The following ZDHHC9 variants were observed in gnomAD, a reference collection of about 807,000 sequenced individuals.
ZDHHC9 encodes palmitoyltransferase ZDHHC9.
Under a neutral mutation model 26.6 loss-of-function variants are expected in ZDHHC9, and 3 were observed. The observed-to-expected ratio is 0.11, with a 90% CI of 0.05 to 0.29. ZDHHC9 has a LOEUF of 0.29. Among genes scored for constraint, ZDHHC9 ranks in the 10% least tolerant of loss-of-function variants. The probability of loss-of-function intolerance (pLI) is 1.00; values close to 1 mark genes in which losing one functional copy is unlikely to be tolerated. For missense variants in ZDHHC9, 146 were observed against 296.4 expected, an observed-to-expected ratio of 0.49 and a Z score of 3.73; for synonymous variants, 111 against 109.4, an observed-to-expected ratio of 1.01 and a Z score of -0.09.
At chrX:129,807,969 C>T (rs1477590672) in intron 10 of ZDHHC9, among the ~76,000 whole-genome samples, 1 of 112,298 alleles carries the variant, frequency 8.9e-6, no homozygotes, top group African/African-American at 3.2e-5. Context: ...ATTTCACTTA[C>T]AATAACATGA....
At chrX:129,834,973 G>A (rs931271119) in intron 3 of ZDHHC9, among the ~76,000 whole-genome samples, 1 of 112,192 alleles carries the variant, frequency 8.9e-6, no homozygotes, top group Non-Finnish European at 1.9e-5. Context: ...AGCATGTTGG[G>A]GAACATCCCT....
chrX:129,827,279 G>T (rs1366113394), intron 4 of ZDHHC9, among the ~76,000 whole-genome samples: 2 of 85,212 alleles, frequency 2.3e-5, no homozygotes, highest in African/African-American at 8.7e-5. Flanking sequence ...AGGGAGGGAG[G>T]GAGGGAGGGA....
chrX:129,829,192 C>T (rs758115828), intron 3 of ZDHHC9, 51 bp from the exon 4 acceptor site: 2 of 1,171,571 alleles, frequency 1.7e-6, no homozygotes, highest in Non-Finnish European at 2.3e-6. Context: ...CTATATTGAT[C>T]TCCAATTGTT....
intron 5 of ZDHHC9, 88 bp from the exon 6 acceptor site, chrX:129,814,883 C>A: frequency 1.9e-6 from 2 of 1,025,820 alleles, no homozygotes; most frequent in South Asian, 4.0e-5. Flanking sequence ...TCAAAGACCT[C>A]CAGGATCATT....
At position 129,823,792 on chromosome X, in the gene ZDHHC9, C is replaced by A; in HGVS notation, c.374G>T (p.Arg125Leu). 1 of 1,211,445 alleles carries A rather than the reference C, an allele frequency of 8.3e-7. No individual in the cohort carries two copies. The highest frequency in any genetic ancestry group is 1.1e-6 in the Non-Finnish European group (1 of 895,270). ...AVPQGQRPPPRIKNFQINNQI... is the reference protein window; with the variant it reads ...AVPQGQRPPPLIKNFQINNQI... ...GTTGTTTATCTGGAAATTCTTGATA[C>A]GAGGCGGTGGTCGCTGGCCCTGGGG... Residue 125 changes from arginine to leucine, a missense_variant, in exon 5 of 11, where the codon CGT (arginine) becomes CTT (leucine). Arg to Leu is a moderately radical substitution (Grantham distance 102). Coordinates refer to ENST00000357166, the MANE Select transcript of ZDHHC9 (RefSeq NM_016032.4).
chrX:129,827,188 TGAAAAATAAAAAAGAAGAAAGGAAG>T (rs1234687561), intron 4 of ZDHHC9, among the ~76,000 whole-genome samples: 6 of 96,662 alleles, frequency 6.2e-5, no homozygotes, highest in Admixed American at 2.4e-4. Flanking sequence ...AGTGAAACTG[TGAAAAATAAAAAAGAAGAAAGGAAG>T]GAAAAATAAA....
intron 3 of ZDHHC9, among the ~76,000 whole-genome samples, chrX:129,838,994 C>T (rs1928320514): frequency 8.9e-6 from 1 of 112,584 alleles, no homozygotes; most frequent in Admixed American, 9.4e-5. Flanking sequence ...ACACTTGTTC[C>T]TAAGCACCTG....
intron 3 of ZDHHC9, among the ~76,000 whole-genome samples, chrX:129,830,778 G>A (rs767218746): frequency 9.0e-6 from 1 of 111,707 alleles, no homozygotes; most frequent in South Asian, 3.7e-4. Flanking sequence ...ATTCTCTGCA[G>A]TTTCGGAACA....
At chrX:129,839,116 T>C (rs1258636978) in intron 3 of ZDHHC9, among the ~76,000 whole-genome samples, 2 of 111,992 alleles carry the variant, frequency 1.8e-5, no homozygotes, top group Admixed American at 1.9e-4. Flanking sequence ...TCTCTACTCC[T>C]AGACAATGTA....
At chrX:129,820,686 CA>C in intron 5 of ZDHHC9, among the ~76,000 whole-genome samples, 1 of 111,932 alleles carries the variant, frequency 8.9e-6, no homozygotes, top group South Asian at 3.7e-4. Context: ...CCTGGAATAT[CA>C]GTGCTTTTTA....
intron 5 of ZDHHC9, among the ~76,000 whole-genome samples, chrX:129,818,372 C>T (rs1466173485): frequency 2.7e-5 from 3 of 111,897 alleles, no homozygotes; most frequent in Admixed American, 1.9e-4. Context: ...TAGGTATACA[C>T]CCAGGAGTGG....
At chrX:129,835,537 C>T (rs1486171488) in intron 3 of ZDHHC9, among the ~76,000 whole-genome samples, 3 of 110,959 alleles carry the variant, frequency 2.7e-5, no homozygotes, top group Admixed American at 1.9e-4. Flanking sequence ...AATCCCAGCA[C>T]TTTGGGAGGC....
chrX:129,831,699 G>A (rs918602624), intron 3 of ZDHHC9, among the ~76,000 whole-genome samples: 2 of 112,096 alleles, frequency 1.8e-5, no homozygotes, highest in African/African-American at 6.5e-5. Context: ...CCAGAGATGA[G>A]GCTATTGGCA....
chrX:129,842,176 G>T, intron 2 of ZDHHC9, 96 bp from the exon 3 acceptor site: 4 of 435,239 alleles, frequency 9.2e-6, no homozygotes, highest in African/African-American at 2.4e-5. Flanking sequence ...AAAACTGACT[G>T]AAGGGGTGGG....
intron 3 of ZDHHC9, among the ~76,000 whole-genome samples, chrX:129,832,150 GTATATATATCTTTA>G (rs1307388680): frequency 9.4e-6 from 1 of 106,409 alleles, no homozygotes; most frequent in African/African-American, 3.5e-5. Flanking sequence ...ATATATCTTT[GTATATATATCTTTA>G]TATATATATA....
chrX:129,812,026 T>C (rs1013355686), intron 8 of ZDHHC9, among the ~76,000 whole-genome samples: 3 of 111,421 alleles, frequency 2.7e-5, no homozygotes, highest in Non-Finnish European at 3.8e-5. Flanking sequence ...AACTTACTTT[T>C]TTCTTTTTGC....
intron 3 of ZDHHC9, 47 bp from the exon 4 acceptor site, chrX:129,829,188 T>G: frequency 8.5e-7 from 1 of 1,176,237 alleles, no homozygotes. Flanking sequence ...TACCCTATAT[T>G]GATCTCCAAT....
chrX:129,811,380 C>A (rs1927636233), intron 9 of ZDHHC9, 26 bp downstream of exon 9: 16 of 1,169,876 alleles, frequency 1.4e-5, no homozygotes, highest in Non-Finnish European at 1.7e-5. Context: ...CCCAACAGTC[C>A]CAGGACTTTT....
intron 6 of ZDHHC9, among the ~76,000 whole-genome samples, chrX:129,814,423 G>A (rs1927712876): frequency 8.9e-6 from 1 of 111,957 alleles, no homozygotes; most frequent in African/African-American, 3.2e-5. Flanking sequence ...CAGTAATTAT[G>A]GCCCCAGTGC....
Sources: gnomAD v4.1 joint callset for allele counts (sites outside exome capture counted in the v4.1 genomes callset) on GRCh38, gnomAD v4.1.1 for gene constraint, MANE v1.5 for transcripts, NCBI Gene and HGNC (gene_info 2026-07-23, HGNC 2026-07-21) for gene names.